The following CBFA2T2 variants were observed in gnomAD, a reference collection of about 807,000 sequenced individuals.
The protein encoded by CBFA2T2 is CBFA2/RUNX1 partner transcriptional co-repressor 2, also known as protein CBFA2T2.
Under a neutral mutation model 62.2 loss-of-function variants are expected in CBFA2T2, and 11 were observed. The observed-to-expected ratio is 0.18, with a 90% CI of 0.11 to 0.29. CBFA2T2 has a LOEUF of 0.29. Among genes scored for constraint, CBFA2T2 ranks in the 10% least tolerant of loss-of-function variants. CBFA2T2 has a pLI of 1.00. For missense variants in CBFA2T2, 592 were observed against 774.1 expected, an observed-to-expected ratio of 0.76 and a Z score of 2.79; for synonymous variants, 295 against 287.5, an observed-to-expected ratio of 1.03 and a Z score of -0.27.
At chr20:33,612,193 G>T (rs1230110124) in intron 3 of CBFA2T2, among the ~76,000 whole-genome samples, 1 of 152,182 alleles carries the variant, frequency 6.6e-6, no homozygotes. Flanking sequence ...TATACTGCAC[G>T]TGGTGAACCT....
In CBFA2T2 at chr20:33,522,571, A is replaced by T. The variant is rs950617517; in HGVS notation, c.34+32270A>T. Among the ~76,000 whole-genome samples, 17 of 152,058 alleles carry T rather than the reference A, an allele frequency of 1.1e-4. No homozygotes were observed. The South Asian group carries it at 1.2e-3, about 11-fold the overall frequency. ...AGCAAGACCCTGTTTGTTTAAAAAAAAAAAATTAAAAAAATAAAAATTTAG... is the reference window on the plus strand; with the variant it reads ...AGCAAGACCCTGTTTGTTTAAAAAATAAAAATTAAAAAAATAAAAATTTAG... On this transcript the variant is annotated intron_variant, in intron 1 of 10. Coordinates refer to ENST00000342704, the MANE Select transcript of CBFA2T2 (RefSeq NM_001032999.3).
intron 8 of CBFA2T2, among the ~76,000 whole-genome samples, chr20:33,634,898 GA>G (rs761209419): frequency 1.3e-4 from 20 of 152,018 alleles, no homozygotes; most frequent in Non-Finnish European, 2.2e-4. Flanking sequence ...ACAGAAATGG[GA>G]ATTAATAGTA....
chr20:33,615,140 T>G (rs912496058), intron 3 of CBFA2T2, among the ~76,000 whole-genome samples: 18 of 152,162 alleles, frequency 1.2e-4, no homozygotes, highest in Admixed American at 3.9e-4. Flanking sequence ...GAGGCCAGCC[T>G]GGGTAACATA....
intron 1 of CBFA2T2, among the ~76,000 whole-genome samples, chr20:33,555,439 GTTTTT>G (rs1411713339): frequency 6.6e-6 from 1 of 152,070 alleles, no homozygotes; most frequent in Non-Finnish European, 1.5e-5. Flanking sequence ...CTTGTTTTCT[GTTTTT>G]TGTTTTGTTT....
Position 33,624,885 on chromosome 20 carries a change from G to C in CBFA2T2, c.814G>C (p.Gly272Arg), listed in dbSNP as rs1453602216. 1 of 1,612,498 alleles carries C rather than the reference G, an allele frequency of 6.2e-7. No individual in the cohort carries two copies. Among genetic ancestry groups the C allele is most frequent in the East Asian group, 2.2e-5 (1 of 44,854 alleles). Reference protein sequence around the residue: ...PALTVPLMNPGGQFHPTPPPL... With the variant: ...PALTVPLMNPRGQFHPTPPPL... ...TCTCACTGTGCCCCTCATGAATCCCGGGGGCCAATTCCATCCTACCCCTCC... is the reference window on the plus strand; with the variant it reads ...TCTCACTGTGCCCCTCATGAATCCCCGGGGCCAATTCCATCCTACCCCTCC... Residue 272 changes from glycine (G) to arginine (R), a missense_variant, in exon 6 of 11, where the codon GGG becomes CGG. By Grantham distance (125) the Gly-to-Arg change is moderately radical. Coordinates refer to ENST00000342704, the MANE Select transcript of CBFA2T2 (RefSeq NM_001032999.3).
chr20:33,555,775 C>G (rs1191319587), intron 1 of CBFA2T2, among the ~76,000 whole-genome samples: 1 of 152,170 alleles, frequency 6.6e-6, no homozygotes, highest in African/African-American at 2.4e-5. Context: ...TCTTTTATAG[C>G]TCTTATACCT....
intron 1 of CBFA2T2, among the ~76,000 whole-genome samples, chr20:33,504,079 G>T (rs2011356468): frequency 6.6e-6 from 1 of 151,896 alleles, no homozygotes; most frequent in South Asian, 2.1e-4. Flanking sequence ...TTGTTTGCTT[G>T]TTTCTCTACT....
chr20:33,535,050 A>G (rs2012169039), intron 1 of CBFA2T2, among the ~76,000 whole-genome samples: 1 of 152,214 alleles, frequency 6.6e-6, no homozygotes, highest in African/African-American at 2.4e-5. Context: ...AAAATGCAAT[A>G]TTTGTGAAGT....
chr20:33,634,670 C>CAAAAAAAAAAA (rs758089440), intron 8 of CBFA2T2, among the ~76,000 whole-genome samples: 6 of 47,922 alleles, frequency 1.3e-4, no homozygotes, highest in African/African-American at 2.7e-4. Flanking sequence ...ACCCTATGTC[C>CAAAAAAAAAAA]AAAAAAAAAA....
chr20:33,490,353 G>A (rs2011137466), intron 1 of CBFA2T2, 52 bp downstream of exon 1: 30 of 1,256,810 alleles, frequency 2.4e-5, no homozygotes, highest in Non-Finnish European at 2.9e-5. Context: ...AGGGCCTGCG[G>A]CTCCGCAGGC....
intron 1 of CBFA2T2, among the ~76,000 whole-genome samples, chr20:33,542,656 G>A (rs2012437088): frequency 6.6e-6 from 1 of 152,138 alleles, no homozygotes; most frequent in Non-Finnish European, 1.5e-5. Flanking sequence ...AACAGAAGAA[G>A]TCTTTCTTAC....
At chr20:33,537,546 T>TTTATA (rs1197975435) in intron 1 of CBFA2T2, among the ~76,000 whole-genome samples, 1 of 152,106 alleles carries the variant, frequency 6.6e-6, no homozygotes, top group Admixed American at 6.5e-5. Context: ...CTTTTTAGCT[T>TTTATA]TTATAGCTTT....
chr20:33,594,387 A>T (rs1221270228), intron 1 of CBFA2T2, among the ~76,000 whole-genome samples: 1 of 151,870 alleles, frequency 6.6e-6, no homozygotes, highest in African/African-American at 2.4e-5. Context: ...ACACCTGTCT[A>T]ATTTTTATGT....
At chr20:33,641,576 C>T (rs554063519) in intron 10 of CBFA2T2, among the ~76,000 whole-genome samples, 4 of 152,142 alleles carry the variant, frequency 2.6e-5, no homozygotes, top group Admixed American at 2.6e-4. Context: ...GGATGGGAGA[C>T]CGGCTGTCTT....
intron 1 of CBFA2T2, among the ~76,000 whole-genome samples, chr20:33,592,454 A>G (rs916835352): frequency 1.4e-5 from 2 of 141,554 alleles, no homozygotes; most frequent in African/African-American, 5.4e-5. Context: ...AAATATATAT[A>G]TAAAATTATG....
At chr20:33,600,182 G>GTTGTTTTT (rs1568844383) in intron 1 of CBFA2T2, among the ~76,000 whole-genome samples, 2 of 62,066 alleles carry the variant, frequency 3.2e-5, no homozygotes, top group Non-Finnish European at 3.1e-5. Flanking sequence ...CTTTTGGAAA[G>GTTGTTTTT]TTTTTTTTTT....
At chr20:33,518,516 A>T (rs2011644039) in intron 1 of CBFA2T2, among the ~76,000 whole-genome samples, 1 of 151,504 alleles carries the variant, frequency 6.6e-6, no homozygotes, top group African/African-American at 2.4e-5. Flanking sequence ...TAATCCCCAC[A>T]CTTTGGTAGG....
intron 4 of CBFA2T2, among the ~76,000 whole-genome samples, chr20:33,621,452 A>G (rs1486347870): frequency 6.6e-6 from 1 of 151,444 alleles, no homozygotes; most frequent in Non-Finnish European, 1.5e-5. Flanking sequence ...ACGCGCCACC[A>G]CACCCGGCTA....
intron 1 of CBFA2T2, among the ~76,000 whole-genome samples, chr20:33,492,577 T>G (rs1471497503): frequency 6.6e-6 from 1 of 152,046 alleles, no homozygotes; most frequent in Non-Finnish European, 1.5e-5. Flanking sequence ...TGCAGTGGCG[T>G]CATCATGGCC....
Sources: gnomAD v4.1 joint callset for allele counts (sites outside exome capture counted in the v4.1 genomes callset) on GRCh38, gnomAD v4.1.1 for gene constraint, MANE v1.5 for transcripts, NCBI Gene and HGNC (gene_info 2026-07-23, HGNC 2026-07-21) for gene names.